FAM161A: variants seen among roughly 807,000 people sequenced by gnomAD.
FAM161A encodes protein FAM161A.
FAM161A carries 57 observed loss-of-function variants against 70.9 expected under a neutral mutation model. The ratio of observed to expected loss-of-function variants is 0.80; its 90% CI spans 0.65 to 1.00. The LOEUF (loss-of-function observed/expected upper bound fraction) is 1.00, where lower values mean the gene tolerates loss of function less well. Ranked by LOEUF, FAM161A falls within the 50% of genes least tolerant of loss-of-function variation. The pLI, the probability that FAM161A is intolerant of heterozygous loss-of-function variation, is 0.00. For missense variants in FAM161A, 880 were observed against 836.0 expected (o/e 1.05, Z -0.65); for synonymous variants, 299 against 295.7 (o/e 1.01, Z -0.12).
downstream of FAM161A, among the ~76,000 whole-genome samples, chr2:61,824,460 C>G (rs1036567442): frequency 3.3e-5 from 5 of 152,090 alleles, no homozygotes; most frequent in Non-Finnish European, 7.3e-5. Context: ...CATTTAAGTA[C>G]AAGTATTTTA....
downstream of FAM161A, among the ~76,000 whole-genome samples, chr2:61,822,347 A>G (rs998758627): frequency 6.6e-6 from 1 of 152,158 alleles, no homozygotes; most frequent in Non-Finnish European, 1.5e-5. Flanking sequence ...TTAGTAAACC[A>G]CAGCCACATC....
At chr2:61,806,978 C>G in the FAM161A span, among the ~76,000 whole-genome samples, 4 of 152,134 alleles carry the variant, frequency 2.6e-5, no homozygotes, top group African/African-American at 9.7e-5. Flanking sequence ...AGGCGTGAGC[C>G]ACCACACCCA....
Position 61,839,653 on chromosome 2 carries a change from A to C in FAM161A, c.1351T>G (p.Leu451Val). Residue 451 changes from leucine to valine, a missense_variant, in exon 3 of 7, where the codon TTA (leucine) becomes GTA (valine). Physicochemically the swap from Leu to Val is conservative, Grantham distance 32. Transcript: ENST00000404929. ...HLSEHKSPKL[L>V]TVCKPFDLHA... Reference sequence around the variant, plus strand: ...AGATCAAATGGTTTACACACTGTTAAGAGTTTTGGAGACTTGTGTTCTGAG... The same window carrying C: ...AGATCAAATGGTTTACACACTGTTACGAGTTTTGGAGACTTGTGTTCTGAG... 6.2e-7 allele frequency: 1 copy of C among 1,614,246 alleles called. No homozygotes were observed. Among genetic ancestry groups the C allele is most frequent in the Non-Finnish European group, 8.5e-7 (1 of 1,180,044 alleles).
At chr2:61,831,229 A>G (rs997549011) in intron 5 of FAM161A, among the ~76,000 whole-genome samples, 1 of 151,640 alleles carries the variant, frequency 6.6e-6, no homozygotes, top group Admixed American at 6.6e-5. Flanking sequence ...TTCTTGTATT[A>G]TAGTATCACC....
At position 61,851,496 on chromosome 2, in the gene FAM161A, G is replaced by A. The variant is rs992255909; in HGVS notation, c.183+2363C>T. 4.6e-5 allele frequency among the ~76,000 whole-genome samples: 7 copies of A among 152,054 alleles called. No individual in the cohort carries two copies. In the South Asian group the frequency reaches 8.3e-4, roughly 18 times the overall value. On this transcript the variant is annotated intron_variant, in intron 1 of 6. Coordinates refer to ENST00000404929, the MANE Select transcript of FAM161A (RefSeq NM_001201543.2). ...ATTACAGGCGCGTGCCACCACGTCC[G>A]GCTACTTTTTGTATTTTTAGTAGAG...
downstream of FAM161A, among the ~76,000 whole-genome samples, chr2:61,823,310 G>A (rs971099824): frequency 7.3e-6 from 1 of 137,076 alleles, no homozygotes; most frequent in Non-Finnish European, 1.6e-5. Flanking sequence ...TCCAGACTGG[G>A]CGACAGAGTG....
intron 2 of FAM161A, among the ~76,000 whole-genome samples, chr2:61,841,437 G>A (rs1673016915): frequency 6.6e-6 from 1 of 152,150 alleles, no homozygotes; most frequent in South Asian, 2.1e-4. Flanking sequence ...CTCCAAGACT[G>A]AACTCAGATG....
intron 4 of FAM161A, chr2:61,836,906 TC>T: frequency 5.0e-6 from 1 of 200,558 alleles, no homozygotes; most frequent in Non-Finnish European, 1.1e-5. Context: ...CACTTTGTTG[TC>T]CAGGCTGGAG....
At chr2:61,842,733 C>T (rs1002012847) in intron 1 of FAM161A, among the ~76,000 whole-genome samples, 4 of 152,322 alleles carry the variant, frequency 2.6e-5, no homozygotes, top group East Asian at 3.9e-4. Flanking sequence ...AAGAGGAACA[C>T]GGTTCTACCT....
chr2:61,839,997 G>T lies in FAM161A; in HGVS notation c.1007C>A (p.Ala336Glu). 6.2e-7 allele frequency: 1 copy of T among 1,614,194 alleles called. No individual in the cohort carries two copies. Reference protein sequence around the residue: ...KFIAREEQKRAAREKQLRDFL... With the variant: ...KFIAREEQKREAREKQLRDFL... ...GTCTCTCAGCTGCTTTTCCCGGGCT[G>T]CTCGCTTCTGTTCCTCCCTTGCTAT... Residue 336 changes from alanine to glutamate, a missense_variant, in exon 3 of 7, where the codon GCA (alanine) becomes GAA (glutamate). By Grantham distance (107) the Ala-to-Glu change is moderately radical. Transcript: ENST00000404929.
downstream of FAM161A, chr2:61,820,238 G>T: frequency 1.6e-6 from 1 of 618,212 alleles, no homozygotes; most frequent in Non-Finnish European, 2.9e-6. Flanking sequence ...AAGCAGCTGT[G>T]GCAGCTCTTC....
rs368402244 is a variant in FAM161A at position 61,826,590 on chromosome 2, T to G, written c.2016A>C (p.Glu672Asp). ...SVTEDKESFN[E>D]EEKIEERENG... is the part of the protein sequence containing the mutation. ...TCTCTCTTTCTTCTATTTTTTCTTCTTCATTAAAGCTAGGGGAAGAAATTT... is the reference window on the plus strand; with the variant it reads ...TCTCTCTTTCTTCTATTTTTTCTTCGTCATTAAAGCTAGGGGAAGAAATTT... The change falls in exon 7 of 7, where the codon GAA becomes GAC. Residue 672 changes from glutamate (E) to aspartate (D), a missense_variant. By Grantham distance (45) the Glu-to-Asp change is conservative (BLOSUM62 2). Transcript: ENST00000404929. 3.1e-6 allele frequency: 5 copies of G among 1,602,016 alleles called. No homozygotes were observed. The highest frequency in any genetic ancestry group is 4.3e-6 in the Non-Finnish European group (5 of 1,171,700).
At position 61,840,031 on chromosome 2, in the gene FAM161A, ATGGC is replaced by A. The variant is rs1294295448; in HGVS notation, c.969_972del (p.Lys323AsnfsTer5). ...TGTTCCTCCCTTGCTATAAATTTAA[ATGGC>A]TTTTGTGAGGCCAAAAGAGCTTCTT... On this transcript the variant is annotated frameshift_variant, in exon 3 of 7. Transcript: ENST00000404929. LOFTEE classifies it high-confidence loss of function. The A allele has an allele frequency of 6.2e-7, 1 of 1,614,118 alleles. No homozygotes were observed. Among genetic ancestry groups the A allele is most frequent in the Non-Finnish European group, 8.5e-7 (1 of 1,180,016 alleles).
downstream of FAM161A, among the ~76,000 whole-genome samples, chr2:61,824,228 CGG>C (rs1222600830): frequency 2.7e-4 from 38 of 139,760 alleles, no homozygotes; most frequent in African/African-American, 9.9e-4. Context: ...TTAGTAGAGA[CGG>C]GGTTTCACCG....
the FAM161A span, among the ~76,000 whole-genome samples, chr2:61,818,912 T>G: frequency 6.6e-6 from 1 of 152,200 alleles, no homozygotes; most frequent in Non-Finnish European, 1.5e-5. Flanking sequence ...AGAGAACTGA[T>G]GGATAGCCCT....
downstream of FAM161A, among the ~76,000 whole-genome samples, chr2:61,820,974 A>C (rs1465973966): frequency 6.6e-6 from 1 of 152,092 alleles, no homozygotes; most frequent in Admixed American, 6.6e-5. Flanking sequence ...TTAGAGGCAG[A>C]CTCTATTAAC....
downstream of FAM161A, among the ~76,000 whole-genome samples, chr2:61,823,415 G>A (rs2105053950): frequency 7.0e-6 from 1 of 142,704 alleles, no homozygotes; most frequent in South Asian, 2.2e-4. Context: ...TGTTACCTAG[G>A]TTGGAGTGGT....
At chr2:61,826,723 C>G (rs1486523891) in intron 6 of FAM161A, 124 bp from the exon 7 acceptor site, 2 of 766,712 alleles carry the variant, frequency 2.6e-6, no homozygotes, top group Non-Finnish European at 2.0e-6. Context: ...CAATTTGTTA[C>G]CAAGACAACT....
Position 61,827,243 on chromosome 2 carries a change from C to A in FAM161A, c.1867G>T (p.Ala623Ser). The A allele has an allele frequency of 6.2e-7, 1 of 1,613,320 alleles. No individual in the cohort carries two copies. Among genetic ancestry groups the A allele is most frequent in the African/African-American group, 1.3e-5 (1 of 75,024 alleles). ...ERVAQKNARM[A>S]AEKHYSNTLK... ...GTATTAGAATAATGCTTTTCTGCTG[C>A]CATTCTTGCATTTTTCTATAGGAAA... The change falls in exon 6 of 7, where the codon GCA becomes TCA. Residue 623 changes from alanine (A) to serine (S), a missense_variant. Coordinates refer to ENST00000404929, the MANE Select transcript of FAM161A (RefSeq NM_001201543.2).
Sources: allele counts gnomAD v4.1 joint callset (sites outside exome capture counted in the v4.1 genomes callset), GRCh38; gene constraint gnomAD v4.1.1; transcripts MANE v1.5; gene names NCBI Gene and HGNC (gene_info 2026-07-23, HGNC 2026-07-21).